Variants in EPM2A observed in about 807,000 individuals in gnomAD.
EPM2A encodes laforin.
Under a neutral mutation model 26.5 loss-of-function variants are expected in EPM2A, and 21 were observed. The ratio of observed to expected loss-of-function variants is 0.79; its 90% CI spans 0.56 to 1.14. The LOEUF (loss-of-function observed/expected upper bound fraction) is 1.14, where lower values mean the gene tolerates loss of function less well. EPM2A is among the 50% of genes most tolerant of loss of function. The probability of loss-of-function intolerance (pLI) is 0.00; values close to 1 mark genes in which losing one functional copy is unlikely to be tolerated. For synonymous variants in EPM2A, 217 were observed against 177.6 expected (o/e 1.22, Z -1.76); for missense variants, 458 against 440.8 (o/e 1.04, Z -0.35).
chr6:145,507,271 A>G (rs963412037), intron 2 of EPM2A, among the ~76,000 whole-genome samples: 1 of 152,230 alleles, frequency 6.6e-6, no homozygotes, highest in Admixed American at 6.5e-5. Flanking sequence ...TGGAAACAGC[A>G]AAATAGTGTG....
At chr6:145,682,070 G>C (rs1246050529) in intron 2 of EPM2A, among the ~76,000 whole-genome samples, 2 of 152,096 alleles carry the variant, frequency 1.3e-5, no homozygotes, top group African/African-American at 4.8e-5. Flanking sequence ...ACATACCCAA[G>C]ACTGGGTAAC....
At chr6:145,507,439 G>A (rs1421484026) in intron 2 of EPM2A, among the ~76,000 whole-genome samples, 1 of 152,184 alleles carries the variant, frequency 6.6e-6, no homozygotes, top group Non-Finnish European at 1.5e-5. Context: ...GTCTCCCTTG[G>A]TGATTCACCT....
At chr6:145,487,257 T>C (rs1779690487) in intron 4 of EPM2A, among the ~76,000 whole-genome samples, 1 of 152,214 alleles carries the variant, frequency 6.6e-6, no homozygotes, top group South Asian at 2.1e-4. Flanking sequence ...GGCATTTAGG[T>C]TGATTCCCTA....
chr6:145,401,952 GA>G (rs1215998684), intron 4 of EPM2A, among the ~76,000 whole-genome samples: 4 of 152,052 alleles, frequency 2.6e-5, no homozygotes, highest in African/African-American at 9.7e-5. Flanking sequence ...TCCTAGATTA[GA>G]AAGCCATCTC....
intron 4 of EPM2A, among the ~76,000 whole-genome samples, chr6:145,484,339 C>A (rs372299060): frequency 2.6e-5 from 4 of 151,834 alleles, no homozygotes; most frequent in African/African-American, 7.3e-5. Context: ...TCTAAAAGAG[C>A]ACCCCAAATA....
intron 2 of EPM2A, among the ~76,000 whole-genome samples, chr6:145,511,585 C>T (rs1780055412): frequency 6.6e-6 from 1 of 152,086 alleles, no homozygotes; most frequent in Non-Finnish European, 1.5e-5. Flanking sequence ...ACAAACTAGG[C>T]ATAGACGGAA....
At chr6:145,653,242 TTTCCCCCATGCTGTTCTTGTGATAGG>T (rs1778017459) in intron 2 of EPM2A, among the ~76,000 whole-genome samples, 1 of 152,160 alleles carries the variant, frequency 6.6e-6, no homozygotes, top group African/African-American at 2.4e-5. Flanking sequence ...TGGGGGCGGG[TTTCCCCCATGCTGTTCTTGTGATAGG>T]GGGTGATTTC....
intron 2 of EPM2A, among the ~76,000 whole-genome samples, chr6:145,648,724 T>C (rs1047446532): frequency 2.0e-5 from 3 of 152,220 alleles, no homozygotes; most frequent in African/African-American, 4.8e-5. Context: ...ATGATTCTAA[T>C]GTACATTAAG....
chr6:145,517,424 C>A (rs1287611082), intron 2 of EPM2A, among the ~76,000 whole-genome samples: 1 of 152,110 alleles, frequency 6.6e-6, no homozygotes, highest in Non-Finnish European at 1.5e-5. Context: ...AGGCAAGTGG[C>A]AATGAATACC....
At chr6:145,446,200 A>T (rs920236827) in intron 4 of EPM2A, among the ~76,000 whole-genome samples, 3 of 152,210 alleles carry the variant, frequency 2.0e-5, no homozygotes, top group Non-Finnish European at 4.4e-5. Flanking sequence ...ACCCTAAGTG[A>T]AACACCAAAG....
At chr6:145,510,804 A>G (rs1036213780) in intron 2 of EPM2A, among the ~76,000 whole-genome samples, 1 of 152,142 alleles carries the variant, frequency 6.6e-6, no homozygotes, top group Non-Finnish European at 1.5e-5. Context: ...GATCAACAAA[A>G]TGAAAAGTTG....
chr6:145,686,759 A>G (rs539996426), intron 1 of EPM2A: 13 of 173,816 alleles, frequency 7.5e-5, no homozygotes, highest in African/African-American at 1.4e-4. Flanking sequence ...AAATGCATTA[A>G]TAAGTAATAA....
chr6:145,664,668 C>T (rs1227450342), intron 2 of EPM2A, among the ~76,000 whole-genome samples: 8 of 152,120 alleles, frequency 5.3e-5, no homozygotes, highest in Non-Finnish European at 7.3e-5. Flanking sequence ...CGGACCTAAT[C>T]GACATCTACA....
At chr6:145,489,847 G>T (rs1779731396) in intron 4 of EPM2A, 1 of 1,444,908 alleles carries the variant, frequency 6.9e-7, no homozygotes, top group Non-Finnish European at 9.7e-7. Flanking sequence ...TACTTCCACT[G>T]GCACCTGATT....
chr6:145,474,927 T>C (rs1044675921), intron 4 of EPM2A, among the ~76,000 whole-genome samples: 2 of 152,130 alleles, frequency 1.3e-5, no homozygotes, highest in African/African-American at 4.8e-5. Flanking sequence ...AGATACCATC[T>C]CACATCAGTT....
rs544213684 is a variant in EPM2A, at chr6:145,599,738, A to T, written c.340+35507T>A. ...GATTCTGCTTTACATATATAATTAGAGTCCTTTGAGCATGGATTTTATCTA... is the reference window on the plus strand; with the variant it reads ...GATTCTGCTTTACATATATAATTAGTGTCCTTTGAGCATGGATTTTATCTA... On this transcript the variant is annotated intron_variant, in intron 2 of 3. Coordinates refer to the EPM2A transcript ENST00000450221. 5.9e-5 allele frequency among the ~76,000 whole-genome samples: 9 copies of T among 152,148 alleles called. No individual in the cohort carries two copies. The South Asian group carries it at 1.0e-3, about 18-fold the overall frequency.
intron 4 of EPM2A, among the ~76,000 whole-genome samples, chr6:145,404,880 T>C (rs1263394790): frequency 6.6e-6 from 1 of 152,150 alleles, no homozygotes; most frequent in African/African-American, 2.4e-5. Flanking sequence ...TAAAGGAATA[T>C]AAATAACCTG....
At chr6:145,572,179 GT>G (rs1358281635) in intron 2 of EPM2A, among the ~76,000 whole-genome samples, 1 of 152,196 alleles carries the variant, frequency 6.6e-6, no homozygotes, top group Non-Finnish European at 1.5e-5. Context: ...CTTCAGGGAT[GT>G]TCTAGAAAGG....
chr6:145,542,227 A>C (rs1158832710), intron 2 of EPM2A, among the ~76,000 whole-genome samples: 1 of 152,178 alleles, frequency 6.6e-6, no homozygotes, highest in Non-Finnish European at 1.5e-5. Context: ...CCCAAATTTC[A>C]TGTGGGATGC....
Sources: gnomAD v4.1 joint callset for allele counts (sites outside exome capture counted in the v4.1 genomes callset) on GRCh38, gnomAD v4.1.1 for gene constraint, MANE v1.5 for transcripts, NCBI Gene and HGNC (gene_info 2026-07-23, HGNC 2026-07-21) for gene names.